FHAD1: variants seen among roughly 807,000 people sequenced by gnomAD.
The protein encoded by FHAD1 is forkhead-associated domain-containing protein 1.
A neutral mutation model predicts 191.3 loss-of-function variants in FHAD1; 146 were observed. That is an observed-to-expected ratio of 0.76 (90% CI 0.67 to 0.88). The LOEUF (loss-of-function observed/expected upper bound fraction) is 0.88, where lower values mean the gene tolerates loss of function less well. Among genes scored for constraint, FHAD1 ranks in the 40% least tolerant of loss-of-function variants. FHAD1 has a pLI of 0.00. For synonymous variants in FHAD1, 616 were observed against 672.3 expected (o/e 0.92, Z 1.29); for missense variants, 1,635 against 1,785.8 (o/e 0.92, Z 1.52).
chr1:15,337,460 C>G (rs1684683644), intron 14 of FHAD1, among the ~76,000 whole-genome samples: 1 of 152,200 alleles, frequency 6.6e-6, no homozygotes, highest in African/African-American at 2.4e-5. Flanking sequence ...TCTCTCGGGC[C>G]CTTAGCGGAG....
intron 33 of FHAD1, among the ~76,000 whole-genome samples, chr1:15,395,231 G>A (rs113917263): frequency 1.1e-4 from 16 of 149,912 alleles, no homozygotes; most frequent in African/African-American, 1.5e-4. Flanking sequence ...GGAGAATGGC[G>A]TGAACCCGGG....
At chr1:15,294,910 T>G (rs1465921440) in intron 4 of FHAD1, among the ~76,000 whole-genome samples, 1 of 152,110 alleles carries the variant, frequency 6.6e-6, no homozygotes, top group Non-Finnish European at 1.5e-5. Context: ...TAAGGCCGAA[T>G]CTTAATGGCA....
Position 15,316,761 on chromosome 1 carries a change from G to C in FHAD1, c.1260+294G>C, listed in dbSNP as rs892954925. On this transcript the variant is annotated intron_variant, in intron 9 of 33. Transcript: ENST00000688493. The surrounding 1 kb of genome is among the most constrained non-coding windows in gnomAD (Gnocchi z 4.3). ...GAGGCTGGCCAGCTGGCCACCACAT[G>C]GTCCCCTGCCCCACCCCTGACCTGT... Among the ~76,000 whole-genome samples the C allele has an allele frequency of 6.6e-6, 1 of 152,176 alleles. No homozygotes were observed. The highest frequency in any genetic ancestry group is 2.4e-5 in the African/African-American group (1 of 41,456).
Position 15,382,030 on chromosome 1 carries a change from G to C in FHAD1, c.4025G>C (p.Arg1342Pro), listed in dbSNP as rs1031982987. The C allele has an allele frequency of 1.3e-6, 2 of 1,551,960 alleles. No individual in the cohort carries two copies. The highest frequency in any genetic ancestry group is 8.7e-7 in the Non-Finnish European group (1 of 1,147,050). The change falls in exon 31 of 34, where the codon CGG becomes CCG. Residue 1342 changes from arginine to proline, a missense_variant and splice_region_variant. Transcript: ENST00000688493. ...GYEKDVEQLR[R>P]SKVSIEMYQS... ...CGCCATCTCTCCTGTGCACCCAGGC[G>C]GAGCAAAGTGTCCATTGAGATGTAC...
chr1:15,399,417 A>G (rs776499491), downstream of FHAD1, among the ~76,000 whole-genome samples: 6 of 152,036 alleles, frequency 3.9e-5, no homozygotes, highest in Non-Finnish European at 8.8e-5. Context: ...AAACTTAAAA[A>G]TTAGCTGGCA....
chr1:15,296,660 C>G, intron 4 of FHAD1, 24 bp from the exon 5 acceptor site: 2 of 1,540,894 alleles, frequency 1.3e-6, no homozygotes, highest in Non-Finnish European at 8.8e-7. Flanking sequence ...GTCTTTTGTG[C>G]TCTCTGCTGA....
Position 15,348,719 on chromosome 1 carries a change from C to T in FHAD1, c.2347-323C>T, listed in dbSNP as rs886803332. 1.3e-4 allele frequency among the ~76,000 whole-genome samples: 20 copies of T among 152,150 alleles called. 1 individual carries two copies. Among genetic ancestry groups the T allele is most frequent in the South Asian group, 4.1e-4 (2 of 4,824 alleles). ...CCCCCGCTGCTCCCGGGTGCCCTGT[C>T]GAGAGCTCTTTATTCAGGCTCAGTG... On this transcript the variant is annotated intron_variant, in intron 18 of 33. Transcript: ENST00000688493.
chr1:15,371,588 G>A (rs1375716485), intron 26 of FHAD1, among the ~76,000 whole-genome samples: 1 of 152,152 alleles, frequency 6.6e-6, no homozygotes, highest in African/African-American at 2.4e-5. Flanking sequence ...AGGCTGTGAC[G>A]GAGCCTTAAT....
Position 15,289,479 on chromosome 1 carries a change from C to A in FHAD1, c.381C>A (p.Ala127=). 9.7e-6 allele frequency: 15 copies of A among 1,551,844 alleles called. No homozygotes were observed. Among genetic ancestry groups the A allele is most frequent in the Middle Eastern group, 1.7e-4 (1 of 5,992 alleles). ...PPRATQQPNQ[A]PPPSHIPFHQ... ...GTGCCACACAGCAGCCAAACCAGGC[C>A]CCCCCACCATCACATATCCCCTTCC... is the stretch of plus-strand genomic sequence containing the variant. Residue 127 remains alanine (A), a synonymous_variant, in exon 4 of 34, where the codon GCC becomes GCA. Transcript: ENST00000688493. This position sits in a 1 kb window ranked among gnomAD's most constrained non-coding sequence, Gnocchi z 4.2.
At chr1:15,240,353 G>C (rs1406337380) in intron 1 of FHAD1, among the ~76,000 whole-genome samples, 1 of 152,216 alleles carries the variant, frequency 6.6e-6, no homozygotes, top group African/African-American at 2.4e-5. Context: ...ATCCAGCCAG[G>C]TGTAGTGGCT....
At chr1:15,390,344 CA>C (rs59353142) in intron 32 of FHAD1, among the ~76,000 whole-genome samples, 12,087 of 69,256 alleles carry the variant, frequency 0.17, 647 homozygotes, top group African/African-American at 0.39. Context: ...GACTCTGTCT[CA>C]AAAAAAAAAA....
Position 15,323,988 on chromosome 1 carries a change from CTG to C in FHAD1, c.1366-462_1366-461del, listed in dbSNP as rs543748991. Among the ~76,000 whole-genome samples, 19 of 152,312 alleles carry C rather than the reference CTG, an allele frequency of 1.2e-4. 1 individual carries two copies. The highest frequency in any genetic ancestry group is 9.8e-4 in the Admixed American group (15 of 15,306). On this transcript the variant is annotated intron_variant, in intron 10 of 33. Transcript: ENST00000688493. ...AGTTCCTTATGGTGTTAGGATGACT[CTG>C]TATAGTGGCTACTGTCATCCACCTG...
At chr1:15,283,913 A>G (rs1172758313) in intron 3 of FHAD1, among the ~76,000 whole-genome samples, 1 of 152,220 alleles carries the variant, frequency 6.6e-6, no homozygotes, top group Non-Finnish European at 1.5e-5. Flanking sequence ...TTTTGCAAGT[A>G]TGGAAAGCAA....
At chr1:15,363,700 C>G (rs757533767) in intron 23 of FHAD1, 4 of 455,074 alleles carry the variant, frequency 8.8e-6, no homozygotes, top group Non-Finnish European at 1.3e-5. Flanking sequence ...GCTAAGTGAC[C>G]TTAAATAAAT....
chr1:15,322,347 C>T (rs1214655665), intron 10 of FHAD1, among the ~76,000 whole-genome samples: 1 of 152,208 alleles, frequency 6.6e-6, no homozygotes, highest in Non-Finnish European at 1.5e-5. Flanking sequence ...TTTTCATCCT[C>T]ACAACTCTGA....
At chr1:15,401,580 C>T (rs1335879423), downstream of FHAD1, among the ~76,000 whole-genome samples, 2 of 152,200 alleles carry the variant, frequency 1.3e-5, no homozygotes, top group African/African-American at 4.8e-5. Context: ...GCATCACCAT[C>T]GCCTGCTGTT....
At chr1:15,275,778 G>C (rs1366667909) in intron 3 of FHAD1, among the ~76,000 whole-genome samples, 1 of 152,164 alleles carries the variant, frequency 6.6e-6, no homozygotes, top group Non-Finnish European at 1.5e-5. Flanking sequence ...ATTCCAGCAT[G>C]CTCTTGTCTC....
rs140001370 is a variant in FHAD1 at position 15,359,363 on chromosome 1, T to C, written c.2736+1080T>C. 3.7e-3 allele frequency among the ~76,000 whole-genome samples: 558 copies of C among 151,594 alleles called. 6 individuals carry two copies. Among genetic ancestry groups the C allele is most frequent in the Non-Finnish European group, 5.2e-3 (352 of 67,870 alleles). On this transcript the variant is annotated intron_variant, in intron 21 of 33. Transcript: ENST00000688493. Reference sequence around the variant, plus strand: ...GGGCAAAGAATGTATCTGTCATGGGTAGATCAGAGGCCAAGGCCCAGCACG... The same window carrying C: ...GGGCAAAGAATGTATCTGTCATGGGCAGATCAGAGGCCAAGGCCCAGCACG...
chr1:15,372,301 G>A (rs144421445), intron 26 of FHAD1, among the ~76,000 whole-genome samples: 25 of 152,286 alleles, frequency 1.6e-4, no homozygotes, highest in South Asian at 8.3e-4. Flanking sequence ...AGGAGGCCAC[G>A]GGCCCTGTTC....
Sources: gnomAD v4.1 joint callset for allele counts (sites outside exome capture counted in the v4.1 genomes callset) on GRCh38, gnomAD v4.1.1 for gene constraint, Gnocchi (gnomAD v3.1) non-coding constraint, MANE v1.5 for transcripts, NCBI Gene and HGNC (gene_info 2026-07-23, HGNC 2026-07-21) for gene names.